RAD51B: variants seen among roughly 807,000 people sequenced by gnomAD.
RAD51B encodes the protein DNA repair protein RAD51 homolog 2.
Under a neutral mutation model 42.2 loss-of-function variants are expected in RAD51B, and 38 were observed. That is an observed-to-expected ratio of 0.90 (90% CI 0.70 to 1.18). The LOEUF is 1.18. Among genes scored for constraint, RAD51B ranks in the 50% most tolerant of loss-of-function variants. The pLI, the probability that RAD51B is intolerant of heterozygous loss-of-function variation, is 0.00. For synonymous variants in RAD51B, 154 were observed against 145.2 expected, an observed-to-expected ratio of 1.06 and a Z score of -0.43; for missense variants, 373 against 400.7, an observed-to-expected ratio of 0.93 and a Z score of 0.59.
chr14:68,287,567 T>G (rs923656936), intron 7 of RAD51B, among the ~76,000 whole-genome samples: 1 of 152,218 alleles, frequency 6.6e-6, no homozygotes, highest in Non-Finnish European at 1.5e-5. Flanking sequence ...CCCACTCTGG[T>G]CTTGCATTGT....
chr14:67,844,360 A>G (rs772046310), intron 4 of RAD51B, among the ~76,000 whole-genome samples: 18 of 151,816 alleles, frequency 1.2e-4, no homozygotes, highest in Non-Finnish European at 2.1e-4. Flanking sequence ...GTAGATGTCT[A>G]TTAGGTTCAT....
intron 8 of RAD51B, among the ~76,000 whole-genome samples, chr14:68,319,282 G>A (rs1024524065): frequency 1.3e-5 from 2 of 152,108 alleles, no homozygotes; most frequent in African/African-American, 2.4e-5. Context: ...AACAATTTTT[G>A]TATGAGTACA....
At chr14:68,337,292 A>C (rs2082475825) in intron 8 of RAD51B, among the ~76,000 whole-genome samples, 1 of 152,218 alleles carries the variant, frequency 6.6e-6, no homozygotes, top group South Asian at 2.1e-4. Flanking sequence ...TTCAGGTACC[A>C]AAATGATTCA....
intron 7 of RAD51B, chr14:68,130,320 A>G (rs1384917146): frequency 6.6e-6 from 1 of 152,240 alleles, no homozygotes; most frequent in East Asian, 1.9e-4. Flanking sequence ...TATTATATAC[A>G]TCAGCCTCTG....
intron 11 of RAD51B, among the ~76,000 whole-genome samples, chr14:68,664,530 C>T (rs983032825): frequency 6.6e-6 from 1 of 152,140 alleles, no homozygotes; most frequent in Non-Finnish European, 1.5e-5. Flanking sequence ...CAAGTTTCCC[C>T]AAAGATCTGG....
intron 7 of RAD51B, among the ~76,000 whole-genome samples, chr14:68,260,929 G>C (rs1025148507): frequency 6.6e-6 from 1 of 152,214 alleles, no homozygotes; most frequent in African/African-American, 2.4e-5. Context: ...AGTACATTAA[G>C]TACATTCACA....
chr14:68,016,292 G>T (rs1002367220), intron 7 of RAD51B, among the ~76,000 whole-genome samples: 2 of 151,996 alleles, frequency 1.3e-5, no homozygotes, highest in Admixed American at 1.3e-4. Flanking sequence ...GAGTCTCTGG[G>T]GGTAAAAAGC....
intron 8 of RAD51B, among the ~76,000 whole-genome samples, chr14:68,305,015 G>T (rs1262442988): frequency 6.6e-6 from 1 of 152,096 alleles, no homozygotes; most frequent in African/African-American, 2.4e-5. Flanking sequence ...GAAAATTGCT[G>T]CCAAAAACTA....
chr14:67,822,541 G>A (rs1194347651), intron 1 of RAD51B, among the ~76,000 whole-genome samples: 1 of 151,900 alleles, frequency 6.6e-6, no homozygotes, highest in Admixed American at 6.6e-5. Flanking sequence ...GGCAGGCATG[G>A]TGTCGACCCT....
rs1271923497 is a variant in RAD51B, at chr14:68,565,233, C to T, written c.1037-29252C>T. 2.0e-5 allele frequency among the ~76,000 whole-genome samples: 3 copies of T among 152,160 alleles called. No homozygotes were observed. The highest frequency in any genetic ancestry group is 6.5e-5 in the Admixed American group (1 of 15,278). On this transcript the variant is annotated intron_variant, in intron 10 of 10. Coordinates refer to the RAD51B transcript ENST00000487270. This position sits in a 1 kb window ranked among gnomAD's most constrained non-coding sequence, Gnocchi z 4.1. ...CAGTGCCTTTGAAGTCAGCAGCAAC[C>T]GCAGCAGGCTCAGCTGTGAGGGTGT... is the stretch of plus-strand genomic sequence containing the variant.
chr14:68,405,941 C>T lies in RAD51B; in HGVS notation c.854-5483C>T, dbSNP rs75566390. Among the ~76,000 whole-genome samples the T allele has an allele frequency of 2.0e-5, 3 of 151,840 alleles. No homozygotes were observed. In the East Asian group the frequency reaches 5.8e-4, roughly 29 times the overall value. On this transcript the variant is annotated intron_variant, in intron 8 of 10. Coordinates refer to ENST00000471583, the MANE Select transcript of RAD51B (RefSeq NM_133510.4). Reference sequence around the variant, plus strand: ...AGCTTAGCCTCCCTTGATCCCATCACTTAGCAGGCATCTAAGCAACTAATT... The same window carrying T: ...AGCTTAGCCTCCCTTGATCCCATCATTTAGCAGGCATCTAAGCAACTAATT...
At chr14:68,286,883 C>T (rs1463610039) in intron 7 of RAD51B, among the ~76,000 whole-genome samples, 1 of 152,212 alleles carries the variant, frequency 6.6e-6, no homozygotes, top group African/African-American at 2.4e-5. Flanking sequence ...GCTCAATCCT[C>T]TGACTAATGA....
rs536009317 is a variant in RAD51B, at chr14:67,928,831, A to G, written c.756+41627A>G. Among the ~76,000 whole-genome samples, 351 of 151,634 alleles carry G rather than the reference A, an allele frequency of 2.3e-3. 1 individual carries two copies. The highest frequency in any genetic ancestry group is 8.2e-3 in the African/African-American group (340 of 41,342). On this transcript the variant is annotated intron_variant, in intron 7 of 10. Transcript: ENST00000471583. ...CTACCTGCCTAAAAATTATTTCTTA[A>G]TAACTCCTATATTAATGTGTTTCCA...
chr14:68,005,045 GTTTT>G (rs753867497), intron 7 of RAD51B, among the ~76,000 whole-genome samples: 25 of 79,494 alleles, frequency 3.1e-4, no homozygotes, highest in African/African-American at 1.2e-3. Flanking sequence ...GTGTGTGTGT[GTTTT>G]TTTTTTTTTT....
rs1318878176 is a variant in RAD51B at position 68,565,383 on chromosome 14, A to T, written c.1037-29102A>T. On this transcript the variant is annotated intron_variant, in intron 10 of 10. Transcript: ENST00000487270. The surrounding 1 kb of genome is among the most constrained non-coding windows in gnomAD (Gnocchi z 4.1). The stretch of plus-strand genomic sequence containing the variant: ...TTTGTTCAATAATGCGAGGAGACTC[A>T]TTACAACCCTGGGGCACTTGGGATC... 6.6e-6 allele frequency among the ~76,000 whole-genome samples: 1 copy of T among 152,208 alleles called. No homozygotes were observed. Among genetic ancestry groups the T allele is most frequent in the African/African-American group, 2.4e-5 (1 of 41,468 alleles).
At chr14:68,204,389 G>A (rs995905937) in intron 7 of RAD51B, among the ~76,000 whole-genome samples, 6 of 152,326 alleles carry the variant, frequency 3.9e-5, no homozygotes, top group Admixed American at 1.3e-4. Flanking sequence ...TCATATATGA[G>A]TGTAGTTCAT....
chr14:67,863,512 T>A (rs561949331), intron 4 of RAD51B, among the ~76,000 whole-genome samples: 2 of 152,290 alleles, frequency 1.3e-5, no homozygotes, highest in East Asian at 3.9e-4. Context: ...GACTCATGAA[T>A]CACTCCTACT....
chr14:67,922,699 T>C (rs2044365407), intron 7 of RAD51B, among the ~76,000 whole-genome samples: 1 of 150,890 alleles, frequency 6.6e-6, no homozygotes, highest in Non-Finnish European at 1.5e-5. Flanking sequence ...TTTTTTTTTT[T>C]TTTTCTTTTT....
intron 4 of RAD51B, among the ~76,000 whole-genome samples, chr14:67,858,792 C>T (rs2042076360): frequency 2.0e-5 from 3 of 152,336 alleles, no homozygotes; most frequent in African/African-American, 7.2e-5. Flanking sequence ...CTAGGCATTT[C>T]ACTGCCTCCT....
Sources: gnomAD v4.1 joint callset for allele counts (sites outside exome capture counted in the v4.1 genomes callset) on GRCh38, gnomAD v4.1.1 for gene constraint, Gnocchi (gnomAD v3.1) non-coding constraint, MANE v1.5 for transcripts, NCBI Gene and HGNC (gene_info 2026-07-23, HGNC 2026-07-21) for gene names.